The following ASCC1 variants were observed in gnomAD, a reference collection of about 807,000 sequenced individuals.
The protein encoded by ASCC1 is activating signal cointegrator 1 complex subunit 1.
In ASCC1, 35 loss-of-function variants were observed where a neutral mutation model predicts 46.6. The ratio of observed to expected loss-of-function variants is 0.75; its 90% CI spans 0.57 to 0.99. ASCC1 has a LOEUF of 0.99. Among genes scored for constraint, ASCC1 ranks in the 50% least tolerant of loss-of-function variants. The probability of loss-of-function intolerance (pLI) is 0.00; values close to 1 mark genes in which losing one functional copy is unlikely to be tolerated. For missense variants in ASCC1, 376 were observed against 428.7 expected (o/e 0.88, Z 1.09); for synonymous variants, 143 against 146.6 (o/e 0.98, Z 0.18).
intron 5 of ASCC1, among the ~76,000 whole-genome samples, chr10:72,162,919 G>A (rs1195878137): frequency 6.6e-6 from 1 of 150,416 alleles, no homozygotes; most frequent in Non-Finnish European, 1.5e-5. Flanking sequence ...CTCCAGCCTG[G>A]GTGACAAAGT....
chr10:72,114,113 G>C (rs1382432352), intron 9 of ASCC1, among the ~76,000 whole-genome samples: 1 of 152,168 alleles, frequency 6.6e-6, no homozygotes, highest in Non-Finnish European at 1.5e-5. Context: ...GCATACCATA[G>C]AGAAGCACAG....
intron 3 of ASCC1, among the ~76,000 whole-genome samples, chr10:72,208,981 T>A (rs1323563993): frequency 1.3e-5 from 2 of 151,984 alleles, no homozygotes. Flanking sequence ...CTGGGCAATA[T>A]GGAGAAACCC....
chr10:72,156,006 T>C (rs902044245), intron 6 of ASCC1, among the ~76,000 whole-genome samples: 1 of 152,248 alleles, frequency 6.6e-6, no homozygotes. Flanking sequence ...CAGGCTGATA[T>C]ATTAAATAGT....
intron 9 of ASCC1, 112 bp from the exon 10 acceptor site, chr10:72,097,562 C>A: frequency 1.5e-6 from 1 of 686,246 alleles, no homozygotes; most frequent in South Asian, 1.6e-5. Flanking sequence ...ACAAATCTCT[C>A]ATGCTTTTTC....
At chr10:72,172,876 A>G (rs1372710601) in intron 5 of ASCC1, among the ~76,000 whole-genome samples, 1 of 125,600 alleles carries the variant, frequency 8.0e-6, no homozygotes, top group African/African-American at 2.9e-5. Flanking sequence ...TATATTATAT[A>G]TTATATTTTT....
intron 5 of ASCC1, among the ~76,000 whole-genome samples, chr10:72,179,143 G>A (rs961986364): frequency 3.3e-5 from 5 of 152,208 alleles, no homozygotes; most frequent in Middle Eastern, 6.8e-3. Context: ...TCCTGAGACA[G>A]GATCTTGCCT....
rs1564557792 is a variant in ASCC1 at position 72,096,063 on chromosome 10, G to A, written c.*1271C>T. The A allele has an allele frequency of 4.4e-6, 2 of 451,034 alleles. No homozygotes were observed. Among genetic ancestry groups the A allele is most frequent in the Non-Finnish European group, 4.5e-6 (1 of 224,472 alleles). 27.9% of individuals were successfully genotyped at this position (451,034 alleles called of 1,614,324 possible). A position where few individuals can be genotyped will look rare whatever the true frequency, so the allele number is the denominator to read the frequency against. ...TAAACATTTTATTCACAAGTGATTT[G>A]TGCAGTCCCAATAATAAATCTCACT... On this transcript the variant is annotated 3_prime_UTR_variant, in exon 10 of 10. Coordinates refer to ENST00000672957, the MANE Select transcript of ASCC1 (RefSeq NM_001198800.3).
chr10:72,096,708 G>A lies in ASCC1; in HGVS notation c.*626C>T, dbSNP rs751560433. 2.0e-5 allele frequency: 9 copies of A among 454,062 alleles called. No individual in the cohort carries two copies. Among genetic ancestry groups the A allele is most frequent in the South Asian group, 7.8e-5 (5 of 64,476 alleles). 28.1% of individuals were successfully genotyped at this position (454,062 alleles called of 1,614,324 possible). A position where few individuals can be genotyped will look rare whatever the true frequency, so the allele number is the denominator to read the frequency against. ...ACAGAGTGTGGTACGCACATGTAAC[G>A]GAACATTCCATTATATGTATAATAC... On this transcript the variant is annotated 3_prime_UTR_variant, in exon 10 of 10. Transcript: ENST00000672957.
chr10:72,099,174 C>T (rs560873784), intron 9 of ASCC1, among the ~76,000 whole-genome samples: 3 of 152,300 alleles, frequency 2.0e-5, no homozygotes, highest in Non-Finnish European at 4.4e-5. Flanking sequence ...GTGGGGAGGC[C>T]ACAGTGAGAA....
At chr10:72,153,974 GC>G (rs1464228705) in intron 6 of ASCC1, among the ~76,000 whole-genome samples, 3 of 152,122 alleles carry the variant, frequency 2.0e-5, no homozygotes, top group African/African-American at 7.2e-5. Flanking sequence ...TCCCGCCTTG[GC>G]CTCCCAAAGT....
chr10:72,149,437 CAAAAAA>C (rs11297879), intron 7 of ASCC1, among the ~76,000 whole-genome samples: 2 of 52,704 alleles, frequency 3.8e-5, no homozygotes, highest in African/African-American at 6.3e-5. Flanking sequence ...GACTCCGTCA[CAAAAAA>C]AAAAAAAAAA....
chr10:72,214,775 T>C (rs1858846749), intron 1 of ASCC1, among the ~76,000 whole-genome samples: 1 of 151,858 alleles, frequency 6.6e-6, no homozygotes, highest in Non-Finnish European at 1.5e-5. Flanking sequence ...TTAGAGGTGC[T>C]AGAAATTCAT....
At chr10:72,171,248 A>C (rs1851041579) in intron 5 of ASCC1, among the ~76,000 whole-genome samples, 1 of 152,184 alleles carries the variant, frequency 6.6e-6, no homozygotes, top group Non-Finnish European at 1.5e-5. Context: ...CATCTTCTGG[A>C]GGTCAGAAGT....
intron 8 of ASCC1, among the ~76,000 whole-genome samples, chr10:72,128,554 G>A (rs572194507): frequency 1.1e-4 from 17 of 152,116 alleles, no homozygotes; most frequent in Admixed American, 7.9e-4. Context: ...CAAGAAAAGT[G>A]GCATATAATT....
rs1200390193 is a variant in ASCC1, at chr10:72,130,040, G to A, written c.872-1873C>T. ...AAAACAAAAAAAGGAATAAAGTACT[G>A]ATGTGTTATAACATGGATGAGCCTT... On this transcript the variant is annotated intron_variant, in intron 8 of 9. Transcript: ENST00000672957. Among the ~76,000 whole-genome samples, 3 of 149,508 alleles carry A rather than the reference G, an allele frequency of 2.0e-5. No individual in the cohort carries two copies. The East Asian group carries it at 5.9e-4, about 29-fold the overall frequency.
chr10:72,163,475 C>T (rs555277890), intron 5 of ASCC1, among the ~76,000 whole-genome samples: 1 of 152,104 alleles, frequency 6.6e-6, no homozygotes, highest in Non-Finnish European at 1.5e-5. Context: ...TGGCTCATGC[C>T]TGTAATCCCA....
intron 6 of ASCC1, among the ~76,000 whole-genome samples, chr10:72,155,787 T>C (rs1725660170): frequency 6.6e-6 from 1 of 152,180 alleles, no homozygotes; most frequent in South Asian, 2.1e-4. Context: ...TGTTGTGCCA[T>C]GCTGAAACCC....
At chr10:72,187,999 A>G (rs1029847663) in intron 5 of ASCC1, among the ~76,000 whole-genome samples, 2 of 151,990 alleles carry the variant, frequency 1.3e-5, no homozygotes, top group African/African-American at 2.4e-5. Flanking sequence ...CACTAAGCTC[A>G]GGCCATCTCT....
intron 5 of ASCC1, among the ~76,000 whole-genome samples, chr10:72,170,535 C>T (rs751412028): frequency 6.9e-6 from 1 of 144,642 alleles, no homozygotes; most frequent in Middle Eastern, 3.7e-3. Flanking sequence ...GTTCAAGGTG[C>T]AGTGGTGCTC....
Sources: allele counts gnomAD v4.1 joint callset (sites outside exome capture counted in the v4.1 genomes callset), GRCh38; gene constraint gnomAD v4.1.1; transcripts MANE v1.5; gene names NCBI Gene and HGNC (gene_info 2026-07-23, HGNC 2026-07-21).